The following ANKRD55 variants were observed in gnomAD, a reference collection of about 807,000 sequenced individuals.
The protein encoded by ANKRD55 is ankyrin repeat domain-containing protein 55.
A neutral mutation model predicts 60.6 loss-of-function variants in ANKRD55; 41 were observed. The ratio of observed to expected loss-of-function variants is 0.68; its 90% confidence interval spans 0.53 to 0.88. ANKRD55 has a LOEUF of 0.88. Among genes scored for constraint, ANKRD55 ranks in the 40% least tolerant of loss-of-function variants. The pLI, the probability that ANKRD55 is intolerant of heterozygous loss-of-function variation, is 0.00. For synonymous variants in ANKRD55, 264 were observed against 290.3 expected (o/e 0.91, Z 0.92); for missense variants, 732 against 767.6 (o/e 0.95, Z 0.55).
At chr5:56,194,625 G>T (rs1759189050) in intron 2 of ANKRD55, among the ~76,000 whole-genome samples, 1 of 152,034 alleles carries the variant, frequency 6.6e-6, no homozygotes. Context: ...AATCTCTGTT[G>T]TCTCTTTTCT....
intron 6 of ANKRD55, chr5:56,146,651 C>T (rs1310035181): frequency 6.6e-6 from 1 of 152,166 alleles, no homozygotes; most frequent in East Asian, 1.9e-4. Flanking sequence ...ATGACCTCTC[C>T]TTTATAGACA....
At chr5:56,124,000 G>A (rs1364189699) in intron 8 of ANKRD55, among the ~76,000 whole-genome samples, 2 of 152,172 alleles carry the variant, frequency 1.3e-5, no homozygotes, top group Admixed American at 1.3e-4. Flanking sequence ...GGTGGCCGCT[G>A]AATGGCAGGA....
At chr5:56,197,856 T>C (rs1409916400) in intron 2 of ANKRD55, among the ~76,000 whole-genome samples, 1 of 152,212 alleles carries the variant, frequency 6.6e-6, no homozygotes, top group Non-Finnish European at 1.5e-5. Context: ...ATTTTCACAA[T>C]TGTTTTCTTG....
chr5:56,219,372 A>G (rs958378118), intron 2 of ANKRD55, among the ~76,000 whole-genome samples: 1 of 152,286 alleles, frequency 6.6e-6, no homozygotes, highest in Non-Finnish European at 1.5e-5. Flanking sequence ...TAGAAATGGA[A>G]GTACTTTCCA....
intron 2 of ANKRD55, among the ~76,000 whole-genome samples, chr5:56,184,636 A>G (rs4328989): frequency 0.3 from 46,206 of 152,016 alleles, 12,801 homozygotes; most frequent in African/African-American, 0.73. Context: ...GATGGCTCAG[A>G]TCTGTAATCT....
At chr5:56,110,429 GAT>G (rs1385317329) in intron 10 of ANKRD55, 1 of 152,028 alleles carries the variant, frequency 6.6e-6, no homozygotes, top group Admixed American at 6.6e-5. Flanking sequence ...TCTTTAGTGT[GAT>G]ACATTTATTT....
At chr5:56,167,684 G>A (rs1758516057) in intron 5 of ANKRD55, among the ~76,000 whole-genome samples, 1 of 152,174 alleles carries the variant, frequency 6.6e-6, no homozygotes, top group South Asian at 2.1e-4. Context: ...CACACAGAAG[G>A]ATGTTTATTT....
intron 5 of ANKRD55, among the ~76,000 whole-genome samples, chr5:56,160,287 C>T (rs887845628): frequency 3.3e-5 from 5 of 152,162 alleles, no homozygotes; most frequent in South Asian, 4.1e-4. Flanking sequence ...TGCCCAGGCT[C>T]GAGTGCAGTG....
chr5:56,222,887 T>C (rs1171072560), intron 2 of ANKRD55, among the ~76,000 whole-genome samples: 1 of 152,234 alleles, frequency 6.6e-6, no homozygotes, highest in Admixed American at 6.5e-5. Context: ...TTGGTGTACC[T>C]GAAAGTGACG....
chr5:56,152,735 A>G (rs1758087460), intron 6 of ANKRD55, among the ~76,000 whole-genome samples: 1 of 152,194 alleles, frequency 6.6e-6, no homozygotes, highest in Admixed American at 6.5e-5. Flanking sequence ...GTCAGTTTAT[A>G]ATTAAGCAGT....
chr5:56,193,330 TG>T, intron 2 of ANKRD55: 1 of 956,560 alleles, frequency 1.0e-6, no homozygotes, highest in South Asian at 1.4e-5. Flanking sequence ...GAGATCCCAC[TG>T]GAAAAGAAAC....
intron 2 of ANKRD55, chr5:56,193,017 A>G (rs1759138785): frequency 1.0e-6 from 1 of 985,128 alleles, no homozygotes; most frequent in Middle Eastern, 3.8e-4. Flanking sequence ...GTTCATGAAC[A>G]TCATTTAGAA....
intron 5 of ANKRD55, chr5:56,162,127 G>T: frequency 1.6e-6 from 1 of 633,482 alleles, no homozygotes; most frequent in Non-Finnish European, 2.0e-6. Flanking sequence ...GGTCCAGTGT[G>T]GTTATCCTTG....
rs1260657762 is a variant in ANKRD55 at position 56,232,858 on chromosome 5, C to A, written c.56G>T (p.Arg19Ile). Reference protein sequence around the residue: ...FSTPSVFDQQRGDSSEEVDLT... With the variant: ...FSTPSVFDQQIGDSSEEVDLT... ...AATGTGTTAAAGCAGCATTTTACCT[C>A]TTTGCTGATCAAACACAGAAGGGGT... Residue 19 changes from arginine to isoleucine, a missense_variant and splice_region_variant, in exon 2 of 12, where the codon AGA becomes ATA. Physicochemically the swap from Arg to Ile is moderately conservative, Grantham distance 97. Around this residue, in one of 3 missense-constraint regions of ANKRD55, gnomAD observed 131 missense variants for 142.7 expected, o/e 0.92. Coordinates refer to ENST00000341048, the MANE Select transcript of ANKRD55 (RefSeq NM_024669.3). 8 of 1,613,938 alleles carry A rather than the reference C, an allele frequency of 5.0e-6. No individual in the cohort carries two copies. The East Asian group carries it at 6.7e-5, about 13-fold the overall frequency.
intron 6 of ANKRD55, among the ~76,000 whole-genome samples, chr5:56,155,556 T>C (rs575626435): frequency 8.5e-5 from 13 of 152,328 alleles, no homozygotes; most frequent in Admixed American, 7.8e-4. Context: ...GGTCTCAGTT[T>C]GGTAACTTGG....
chr5:56,224,710 C>A (rs550368437), intron 2 of ANKRD55, among the ~76,000 whole-genome samples: 81 of 152,170 alleles, frequency 5.3e-4, no homozygotes, highest in African/African-American at 1.9e-3. Flanking sequence ...AACACCTCTA[C>A]GCAAATAAAC....
At chr5:56,207,846 A>T (rs949202416) in intron 2 of ANKRD55, among the ~76,000 whole-genome samples, 1 of 152,214 alleles carries the variant, frequency 6.6e-6, no homozygotes, top group Non-Finnish European at 1.5e-5. Flanking sequence ...CTCAGCTTAC[A>T]CTACATTTAT....
At chr5:56,207,346 C>T (rs1169588086) in intron 2 of ANKRD55, among the ~76,000 whole-genome samples, 4 of 152,200 alleles carry the variant, frequency 2.6e-5, no homozygotes, top group African/African-American at 9.7e-5. Context: ...TAACATTTAA[C>T]TACCACCAAC....
At chr5:56,115,093 A>C (rs1429764044) in intron 9 of ANKRD55, among the ~76,000 whole-genome samples, 1 of 151,906 alleles carries the variant, frequency 6.6e-6, no homozygotes, top group Non-Finnish European at 1.5e-5. Flanking sequence ...CCAGCTACTC[A>C]GGAGGTTGAG....
Sources: allele counts gnomAD v4.1 joint callset (sites outside exome capture counted in the v4.1 genomes callset), GRCh38; gene constraint gnomAD v4.1.1; regional missense constraint gnomAD v4.1.1; transcripts MANE v1.5; gene names NCBI Gene and HGNC (gene_info 2026-07-23, HGNC 2026-07-21).